Variants in ENDOD1 observed in about 807,000 individuals in gnomAD.
ENDOD1 encodes endonuclease domain-containing 1 protein.
In ENDOD1, 9 loss-of-function variants were observed where a neutral mutation model predicts 6.5. The observed-to-expected ratio is 1.39, with a 90% confidence interval of 0.84 to 2.43. ENDOD1 has a LOEUF of 2.43. Among genes scored for constraint, ENDOD1 ranks in the 30% most tolerant of loss-of-function variants. ENDOD1 has a pLI of 0.00. For synonymous variants in ENDOD1, 255 were observed against 255.2 expected (o/e 1.00, Z 0.01); for missense variants, 648 against 635.5 (o/e 1.02, Z -0.21).
chr11:95,127,821 G>A (rs1859325921), intron 1 of ENDOD1, among the ~76,000 whole-genome samples: 1 of 151,712 alleles, frequency 6.6e-6, no homozygotes, highest in Non-Finnish European at 1.5e-5. Context: ...GTAAAATGGT[G>A]CAATCTCAGC....
chr11:95,122,398 T>C (rs1859270113), intron 1 of ENDOD1, among the ~76,000 whole-genome samples: 1 of 136,102 alleles, frequency 7.3e-6, no homozygotes, highest in South Asian at 2.5e-4. Flanking sequence ...TTTCTTTTTT[T>C]TTTTTTTGTA....
At chr11:95,100,865 G>GTTTTTTTTTTT (rs34680715) in intron 1 of ENDOD1, among the ~76,000 whole-genome samples, 7 of 72,272 alleles carry the variant, frequency 9.7e-5, no homozygotes, top group Non-Finnish European at 1.4e-4. Flanking sequence ...CCTGCTGGGT[G>GTTTTTTTTTTT]TTTTTTTTTT....
chr11:95,116,168 C>T (rs1555112472), intron 1 of ENDOD1, among the ~76,000 whole-genome samples: 2 of 152,132 alleles, frequency 1.3e-5, no homozygotes, highest in African/African-American at 4.8e-5. Context: ...GATCTCATTA[C>T]TTGTTATTGG....
chr11:95,109,016 T>C (rs74817544), intron 1 of ENDOD1, among the ~76,000 whole-genome samples: 4,829 of 152,328 alleles, frequency 0.032, 107 homozygotes, highest in Non-Finnish European at 0.044. Flanking sequence ...TCCCAGTGTG[T>C]GTGGGTGTGT....
At chr11:95,125,893 A>G (rs943824325) in intron 1 of ENDOD1, among the ~76,000 whole-genome samples, 6 of 152,132 alleles carry the variant, frequency 3.9e-5, no homozygotes, top group Non-Finnish European at 8.8e-5. Context: ...GAATAGTGCC[A>G]CAGTAAACAT....
chr11:95,114,705 T>C (rs1315236789), intron 1 of ENDOD1, among the ~76,000 whole-genome samples: 1 of 152,234 alleles, frequency 6.6e-6, no homozygotes, highest in Non-Finnish European at 1.5e-5. Context: ...TTCATTCTTC[T>C]GCATATGGAT....
chr11:95,104,636 T>C (rs1280215883), intron 1 of ENDOD1, among the ~76,000 whole-genome samples: 3 of 152,086 alleles, frequency 2.0e-5, no homozygotes, highest in Non-Finnish European at 4.4e-5. Context: ...GCATGAATCA[T>C]AAAACTTATC....
chr11:95,110,179 T>C (rs1427532999), intron 1 of ENDOD1, among the ~76,000 whole-genome samples: 2 of 152,338 alleles, frequency 1.3e-5, no homozygotes, highest in East Asian at 3.9e-4. Context: ...CTGGCCACCA[T>C]GGCAGAGAAG....
intron 1 of ENDOD1, among the ~76,000 whole-genome samples, chr11:95,095,767 G>A (rs751568739): frequency 1.3e-5 from 2 of 152,170 alleles, no homozygotes; most frequent in Non-Finnish European, 2.9e-5. Flanking sequence ...GAGTAGTTAA[G>A]TAACTTATCC....
chr11:95,128,505 G>A lies in ENDOD1; in HGVS notation c.429G>A (p.Gln143=), dbSNP rs1423887917. The change falls in exon 2 of 2, where the codon CAG becomes CAA. Residue 143 remains glutamine, a synonymous_variant. Transcript: ENST00000278505. ...TTGATTCTGATTACCAAAGAGGACA[G>A]CTTTACCCATTCTCCCTTAGCAGTG... The part of the protein sequence containing the change: ...DYLDSDYQRG[Q]LYPFSLSSDV... 5 of 1,614,116 alleles carry A rather than the reference G, an allele frequency of 3.1e-6. No homozygotes were observed. Among genetic ancestry groups the A allele is most frequent in the African/African-American group, 1.3e-5 (1 of 74,932 alleles).
In ENDOD1 at chr11:95,127,825, TC is replaced by T. The variant is rs1859326030; in HGVS notation, c.301-551del. Reference sequence around the variant, plus strand: ...CCCCGGCTGGAGTAAAATGGTGCAATCTCAGCTCACTGCAACCTCTGCCTCC... The same window carrying T: ...CCCCGGCTGGAGTAAAATGGTGCAATTCAGCTCACTGCAACCTCTGCCTCC... On this transcript the variant is annotated intron_variant, in intron 1 of 1. Transcript: ENST00000278505. Among the ~76,000 whole-genome samples, 4 of 151,984 alleles carry T rather than the reference TC, an allele frequency of 2.6e-5. No homozygotes were observed. In the South Asian group the frequency reaches 8.3e-4, roughly 31 times the overall value.
At chr11:95,122,537 G>A (rs1332126291) in intron 1 of ENDOD1, among the ~76,000 whole-genome samples, 1 of 149,308 alleles carries the variant, frequency 6.7e-6, no homozygotes, top group African/African-American at 2.5e-5. Flanking sequence ...ACCATGCCTG[G>A]CCTATTACTA....
At chr11:95,112,117 C>T (rs781862473) in intron 1 of ENDOD1, among the ~76,000 whole-genome samples, 3 of 152,206 alleles carry the variant, frequency 2.0e-5, no homozygotes, top group Non-Finnish European at 4.4e-5. Context: ...TTTCTCTTTC[C>T]TCTCTGCAGC....
intron 1 of ENDOD1, among the ~76,000 whole-genome samples, chr11:95,122,485 C>G (rs1859270941): frequency 8.8e-6 from 1 of 113,578 alleles, no homozygotes; most frequent in Non-Finnish European, 1.8e-5. Flanking sequence ...AAGTTCCAAC[C>G]ACTCAGCCTC....
At chr11:95,123,472 T>C (rs1330794362) in intron 1 of ENDOD1, among the ~76,000 whole-genome samples, 1 of 151,806 alleles carries the variant, frequency 6.6e-6, no homozygotes, top group African/African-American at 2.4e-5. Flanking sequence ...AGAGTCCCTG[T>C]AGCCCATTGT....
At chr11:95,119,814 T>G (rs1336323165) in intron 1 of ENDOD1, among the ~76,000 whole-genome samples, 1 of 152,080 alleles carries the variant, frequency 6.6e-6, no homozygotes, top group Non-Finnish European at 1.5e-5. Flanking sequence ...GGGACTAGAG[T>G]CAAAAGCCTT....
Position 95,129,054 on chromosome 11 carries a change from C to G in ENDOD1, c.978C>G (p.Ser326Arg). The G allele has an allele frequency of 6.2e-7, 1 of 1,613,976 alleles. No homozygotes were observed. Among genetic ancestry groups the G allele is most frequent in the South Asian group, 1.1e-5 (1 of 91,080 alleles). ...LPPEASEGSS[S>R]FLGKLMGFIA... ...CAGAGGCATCTGAGGGAAGTAGTAG[C>G]TTTTTGGGAAAACTCATGGGCTTCA... The change falls in exon 2 of 2, where the codon AGC (serine) becomes AGG (arginine). Residue 326 changes from serine (S) to arginine (R), a missense_variant. Ser to Arg is a moderately radical substitution (Grantham distance 110). Transcript: ENST00000278505.
chr11:95,103,919 G>A (rs1446676849), intron 1 of ENDOD1, among the ~76,000 whole-genome samples: 1 of 152,228 alleles, frequency 6.6e-6, no homozygotes, highest in Admixed American at 6.5e-5. Context: ...GGACAGCTAG[G>A]ATGAGTGTAA....
At chr11:95,106,630 G>C (rs1859091539) in intron 1 of ENDOD1, among the ~76,000 whole-genome samples, 1 of 152,174 alleles carries the variant, frequency 6.6e-6, no homozygotes, top group African/African-American at 2.4e-5. Flanking sequence ...TACATGATCA[G>C]AATATTAGCT....
Sources: gnomAD v4.1 joint callset for allele counts (sites outside exome capture counted in the v4.1 genomes callset) on GRCh38, gnomAD v4.1.1 for gene constraint, MANE v1.5 for transcripts, NCBI Gene and HGNC (gene_info 2026-07-23, HGNC 2026-07-21) for gene names.